Variants in DNMBP observed in about 807,000 individuals in gnomAD.
The protein encoded by DNMBP is dynamin binding protein, also known as dynamin-binding protein.
A neutral mutation model predicts 150.0 loss-of-function variants in DNMBP; 87 were observed. That is an observed-to-expected ratio of 0.58 (90% CI 0.49 to 0.69). The LOEUF is 0.69. Among genes scored for constraint, DNMBP ranks in the 30% least tolerant of loss-of-function variants. The pLI is 0.00. For missense variants in DNMBP, 1,774 were observed against 1,949.0 expected, an observed-to-expected ratio of 0.91 and a Z score of 1.69; for synonymous variants, 711 against 750.4, an observed-to-expected ratio of 0.95 and a Z score of 0.86.
chr10:99,961,635 C>A (rs1332641126), intron 3 of DNMBP, among the ~76,000 whole-genome samples: 1 of 152,078 alleles, frequency 6.6e-6, no homozygotes, highest in Non-Finnish European at 1.5e-5. Context: ...AAATCTTGTC[C>A]CCACGCATTA....
intron 4 of DNMBP, chr10:99,930,662 C>T: frequency 1.4e-6 from 1 of 702,994 alleles, no homozygotes; most frequent in Non-Finnish European, 2.6e-6. Context: ...CTGTAAGGTT[C>T]CTTTTCCGTA....
At position 99,975,351 on chromosome 10, in the gene DNMBP, C is replaced by T. The variant is rs1378113346; in HGVS notation, c.-10-3217G>A. Reference sequence around the variant, plus strand: ...TCCAGCCTGGGCAACAAGAGCAAAACTATGTCTCAAAAAAAAAAAAAATTA... The same window carrying T: ...TCCAGCCTGGGCAACAAGAGCAAAATTATGTCTCAAAAAAAAAAAAAATTA... On this transcript the variant is annotated intron_variant, in intron 1 of 16. Coordinates refer to ENST00000324109, the MANE Select transcript of DNMBP (RefSeq NM_015221.4). 3.0e-5 allele frequency among the ~76,000 whole-genome samples: 4 copies of T among 131,240 alleles called. No individual in the cohort carries two copies. The East Asian group carries it at 8.1e-4, about 27-fold the overall frequency. The allele number at this position is 131,240 out of a possible 152,430, so 86.1% of individuals were successfully genotyped here. A position where few individuals can be genotyped will look rare whatever the true frequency, so the allele number is the denominator to read the frequency against.
chr10:99,981,855 G>C (rs1449118588), intron 1 of DNMBP, among the ~76,000 whole-genome samples: 3 of 152,202 alleles, frequency 2.0e-5, no homozygotes, highest in Non-Finnish European at 2.9e-5. Flanking sequence ...GCTGGGTTGT[G>C]AGTTGGCTGC....
intron 4 of DNMBP, among the ~76,000 whole-genome samples, chr10:99,931,693 ATATTAGATGGTTACC>A (rs2040159990): frequency 6.6e-6 from 1 of 152,224 alleles, no homozygotes; most frequent in Non-Finnish European, 1.5e-5. Flanking sequence ...AAATCAACAA[ATATTAGATGGTTACC>A]TATCATAGAG....
intron 1 of DNMBP, among the ~76,000 whole-genome samples, chr10:99,974,975 C>T (rs2040713432): frequency 6.6e-6 from 1 of 152,174 alleles, no homozygotes; most frequent in Non-Finnish European, 1.5e-5. Flanking sequence ...ACTATGTTGC[C>T]CAGGCTGGTC....
intron 1 of DNMBP, among the ~76,000 whole-genome samples, chr10:99,993,132 T>C (rs1353039740): frequency 6.6e-6 from 1 of 152,154 alleles, no homozygotes; most frequent in African/African-American, 2.4e-5. Context: ...GCACTGAAAA[T>C]AGTACCTCAC....
intron 1 of DNMBP, among the ~76,000 whole-genome samples, chr10:100,009,151 G>C (rs1005758933): frequency 2.0e-5 from 3 of 152,228 alleles, no homozygotes; most frequent in African/African-American, 7.2e-5. Flanking sequence ...ATTTAAAGTT[G>C]TTTTTGCACT....
intron 1 of DNMBP, among the ~76,000 whole-genome samples, chr10:99,986,192 A>C (rs781586517): frequency 5.9e-5 from 9 of 152,174 alleles, no homozygotes; most frequent in Non-Finnish European, 1.5e-5. Flanking sequence ...GACCCACATT[A>C]ATTTATTAAA....
Position 99,956,129 on chromosome 10 carries a change from G to C in DNMBP, c.1345C>G (p.Leu449Val), listed in dbSNP as rs752683981. 1 of 1,614,102 alleles carries C rather than the reference G, an allele frequency of 6.2e-7. No individual in the cohort carries two copies. Among genetic ancestry groups the C allele is most frequent in the Admixed American group, 1.7e-5 (1 of 59,998 alleles). Reference protein sequence around the residue: ...HSEQYPDLLPLEARTRDYASL... With the variant: ...HSEQYPDLLPVEARTRDYASL... ...GCATAGTCTCTAGTCCTTGCTTCTA[G>C]GGGAAGAAGGTCGGGGTACTGTTCT... is the stretch of plus-strand genomic sequence containing the variant. The change falls in exon 4 of 17, where the codon CTA becomes GTA. Residue 449 changes from leucine to valine, a missense_variant. Leu to Val is a conservative substitution (Grantham distance 32, BLOSUM62 1). Coordinates refer to ENST00000324109, the MANE Select transcript of DNMBP (RefSeq NM_015221.4).
intron 1 of DNMBP, among the ~76,000 whole-genome samples, chr10:99,986,587 T>A (rs1410428008): frequency 1.2e-5 from 1 of 83,454 alleles, no homozygotes; most frequent in Non-Finnish European, 2.1e-5. Flanking sequence ...AGAGCAAGAC[T>A]CCGTCTCAAA....
At chr10:99,928,349 A>C (rs2040105990) in intron 4 of DNMBP, 1 of 152,198 alleles carries the variant, frequency 6.6e-6, no homozygotes, top group Non-Finnish European at 1.5e-5. Context: ...CCTAGACGAG[A>C]AACTTTCTAC....
chr10:99,929,403 A>AT (rs1052658826), intron 4 of DNMBP, among the ~76,000 whole-genome samples: 3 of 152,248 alleles, frequency 2.0e-5, no homozygotes, highest in African/African-American at 7.2e-5. Context: ...AATGTTGCAT[A>AT]TTTTTAGCAC....
rs1417852860 is a variant in DNMBP, at chr10:99,988,627, C to G, written c.-10-16493G>C. Among the ~76,000 whole-genome samples the G allele has an allele frequency of 2.6e-5, 4 of 152,076 alleles. No homozygotes were observed. The South Asian group carries it at 8.3e-4, about 32-fold the overall frequency. On this transcript the variant is annotated intron_variant, in intron 1 of 16. Coordinates refer to ENST00000324109, the MANE Select transcript of DNMBP (RefSeq NM_015221.4). ...TTTGTCCCCACTCCTCTAGCAATAT[C>G]TTGATATCTCTGACAATTTTATTTT...
chr10:99,930,231 TACC>T, intron 4 of DNMBP: 3 of 702,992 alleles, frequency 4.3e-6, no homozygotes, highest in Non-Finnish European at 7.8e-6. Context: ...ATGGTCTATA[TACC>T]ACAACTGAGG....
chr10:99,925,302 C>G (rs991057916), intron 4 of DNMBP, among the ~76,000 whole-genome samples: 2 of 152,190 alleles, frequency 1.3e-5, no homozygotes, highest in African/African-American at 4.8e-5. Flanking sequence ...ATCCTTGACC[C>G]AGTTACCTTG....
intron 14 of DNMBP, 100 bp from the exon 15 acceptor site, chr10:99,884,309 A>T: frequency 1.7e-5 from 16 of 947,662 alleles, no homozygotes; most frequent in Non-Finnish European, 2.5e-5. Flanking sequence ...AGGCAGGGAC[A>T]GTCAGTCACT....
intron 1 of DNMBP, among the ~76,000 whole-genome samples, chr10:99,989,332 T>A (rs1327147217): frequency 6.6e-6 from 1 of 152,250 alleles, no homozygotes; most frequent in Non-Finnish European, 1.5e-5. Flanking sequence ...GCCTGTCCTC[T>A]GGTGCTCCTG....
At chr10:99,888,688 C>A in intron 12 of DNMBP, 137 bp downstream of exon 12, 2 of 993,404 alleles carry the variant, frequency 2.0e-6, no homozygotes, top group East Asian at 2.6e-5. Flanking sequence ...AATATCAAAC[C>A]CCAATATGAA....
At position 99,875,663 on chromosome 10, in the gene DNMBP, A is replaced by G. The variant is rs1438597914; in HGVS notation, c.*1488T>C. 1 of 152,216 alleles carries G rather than the reference A, an allele frequency of 6.6e-6. No homozygotes were observed. Among genetic ancestry groups the G allele is most frequent in the Admixed American group, 6.5e-5 (1 of 15,286 alleles). 9.4% of individuals were successfully genotyped at this position (152,216 alleles called of 1,614,324 possible). On this transcript the variant is annotated 3_prime_UTR_variant, in exon 17 of 17. Coordinates refer to ENST00000324109, the MANE Select transcript of DNMBP (RefSeq NM_015221.4). ...ACACTCTTCACAAAAGGACTCTTGC[A>G]TTACTGCCTTCTGACCACGACCAGC...
Sources: allele counts gnomAD v4.1 joint callset (sites outside exome capture counted in the v4.1 genomes callset), GRCh38; gene constraint gnomAD v4.1.1; transcripts MANE v1.5; gene names NCBI Gene and HGNC (gene_info 2026-07-23, HGNC 2026-07-21).